The following PTPRJ variants were observed in gnomAD, a reference collection of about 807,000 sequenced individuals.
The protein encoded by PTPRJ is receptor-type tyrosine-protein phosphatase eta.
In PTPRJ, 129 loss-of-function variants were observed where a neutral mutation model predicts 141.3. The ratio of observed to expected loss-of-function variants is 0.91; its 90% CI spans 0.79 to 1.06. PTPRJ has a LOEUF of 1.06. Among genes scored for constraint, PTPRJ ranks in the 50% least tolerant of loss-of-function variants. The pLI is 0.00. For missense variants in PTPRJ, 1,601 were observed against 1,679.7 expected (o/e 0.95, Z 0.82); for synonymous variants, 610 against 640.5 (o/e 0.95, Z 0.72).
At chr11:48,059,538 T>C (rs1302579776) in intron 1 of PTPRJ, among the ~76,000 whole-genome samples, 1 of 152,224 alleles carries the variant, frequency 6.6e-6, no homozygotes, top group African/African-American at 2.4e-5. Context: ...TCTTCAGCAC[T>C]TAAGACAGTG....
At chr11:48,089,230 A>G (rs1384976870) in intron 1 of PTPRJ, among the ~76,000 whole-genome samples, 2 of 152,224 alleles carry the variant, frequency 1.3e-5, no homozygotes, top group Non-Finnish European at 2.9e-5. Flanking sequence ...TGTTACAAAA[A>G]CATTAACCAG....
chr11:48,154,488 T>G (rs367736127), intron 19 of PTPRJ, among the ~76,000 whole-genome samples: 2 of 152,230 alleles, frequency 1.3e-5, no homozygotes, highest in Non-Finnish European at 2.9e-5. Context: ...CATCAAACCA[T>G]TAGATGAAAT....
At position 48,127,773 on chromosome 11, in the gene PTPRJ, C is replaced by A; in HGVS notation, c.1094-7C>A. On this transcript the variant is annotated splice_polypyrimidine_tract_variant and splice_region_variant and intron_variant, in intron 6 of 24. Transcript: ENST00000418331. ...GGTTATTTTGAACTCCTCTTGTGTTCTCACAGATGCTATTCAGGTTTTTGA... is the reference window on the plus strand; with the variant it reads ...GGTTATTTTGAACTCCTCTTGTGTTATCACAGATGCTATTCAGGTTTTTGA... The A allele has an allele frequency of 6.2e-7, 1 of 1,613,296 alleles. No homozygotes were observed. The highest frequency in any genetic ancestry group is 1.7e-4 in the Middle Eastern group (1 of 6,058).
chr11:48,111,332 T>A (rs7113839), intron 2 of PTPRJ, among the ~76,000 whole-genome samples: 127,066 of 140,248 alleles, frequency 0.91, 57,606 homozygotes, highest in East Asian at 0.97. Context: ...TGGTAGTTTT[T>A]TAAAAAATGT....
chr11:48,053,316 TATATATTATATATTA>T (rs1257930456), intron 1 of PTPRJ, among the ~76,000 whole-genome samples: 1 of 91,420 alleles, frequency 1.1e-5, no homozygotes, highest in Non-Finnish European at 2.0e-5. Flanking sequence ...AAATATATAA[TATATATTATATATTA>T]ATATATTATA....
chr11:48,024,253 A>G (rs2134215937), intron 1 of PTPRJ, among the ~76,000 whole-genome samples: 1 of 152,182 alleles, frequency 6.6e-6, no homozygotes, highest in East Asian at 1.9e-4. Context: ...GCTGGAGTGC[A>G]ATGGCGTGAT....
chr11:48,035,041 T>C (rs1046315898), intron 1 of PTPRJ, among the ~76,000 whole-genome samples: 28 of 152,226 alleles, frequency 1.8e-4, no homozygotes, highest in African/African-American at 6.8e-4. Context: ...GGCTTCCGAA[T>C]CCTGCTATTT....
chr11:48,150,235 G>A, intron 18 of PTPRJ, 52 bp downstream of exon 18: 1 of 1,512,472 alleles, frequency 6.6e-7, no homozygotes, highest in Non-Finnish European at 9.2e-7. Context: ...AACCCAAGCT[G>A]GGATCTGAGG....
At chr11:48,071,617 T>TTC (rs1313401518) in intron 1 of PTPRJ, among the ~76,000 whole-genome samples, 2 of 139,878 alleles carry the variant, frequency 1.4e-5, no homozygotes, top group Admixed American at 1.5e-4. Context: ...CTTTTTTTTT[T>TTC]TTTTTTTTTG....
At chr11:48,101,981 A>T (rs1462018594) in intron 1 of PTPRJ, among the ~76,000 whole-genome samples, 1 of 152,188 alleles carries the variant, frequency 6.6e-6, no homozygotes, top group African/African-American at 2.4e-5. Flanking sequence ...CACACCTGAC[A>T]TGGGCCAGAA....
chr11:47,999,118 T>C (rs1180627846), intron 1 of PTPRJ, among the ~76,000 whole-genome samples: 1 of 152,220 alleles, frequency 6.6e-6, no homozygotes, highest in Non-Finnish European at 1.5e-5. Context: ...GAGTGACTGC[T>C]TGGGCCCTGT....
chr11:48,103,662 A>G (rs1270561686), intron 1 of PTPRJ, among the ~76,000 whole-genome samples: 1 of 152,236 alleles, frequency 6.6e-6, no homozygotes, highest in Non-Finnish European at 1.5e-5. Context: ...AGGTGTATAC[A>G]CGGTGTATAC....
chr11:48,087,320 G>A (rs1855742880), intron 1 of PTPRJ, among the ~76,000 whole-genome samples: 1 of 152,218 alleles, frequency 6.6e-6, no homozygotes, highest in Non-Finnish European at 1.5e-5. Flanking sequence ...GCTAAATGAA[G>A]CTAAATAAAC....
At chr11:47,984,427 A>G (rs1437418308) in intron 1 of PTPRJ, among the ~76,000 whole-genome samples, 2 of 152,200 alleles carry the variant, frequency 1.3e-5, no homozygotes, top group Non-Finnish European at 2.9e-5. Context: ...CCCTTCTAAT[A>G]TAATGCCACT....
At chr11:48,130,790 T>G (rs903832556) in intron 8 of PTPRJ, 74 bp downstream of exon 8, 6 of 1,375,578 alleles carry the variant, frequency 4.4e-6, no homozygotes, top group Non-Finnish European at 4.8e-6. Flanking sequence ...AACATAATGT[T>G]TCCAAATATT....
chr11:48,017,303 G>A (rs1253297596), intron 1 of PTPRJ, among the ~76,000 whole-genome samples: 1 of 152,104 alleles, frequency 6.6e-6, no homozygotes, highest in African/African-American at 2.4e-5. Flanking sequence ...TTGGGTGTGG[G>A]TAGGGGTTGG....
rs781782684 is a variant in PTPRJ, at chr11:48,145,126, TA to T, written c.2911+3del. ...CTGTTTCCTTGCCCCAGGATCCAGGTAGGGAGAAGACAACAGTCCTGGCACT... is the reference window on the plus strand; with the variant it reads ...CTGTTTCCTTGCCCCAGGATCCAGGTGGGAGAAGACAACAGTCCTGGCACT... On this transcript the variant is annotated splice_donor_region_variant and intron_variant, in intron 14 of 24. Coordinates refer to ENST00000418331, the MANE Select transcript of PTPRJ (RefSeq NM_002843.4). 10 of 1,613,766 alleles carry T rather than the reference TA, an allele frequency of 6.2e-6. No individual in the cohort carries two copies. Among genetic ancestry groups the T allele is most frequent in the Non-Finnish European group, 8.5e-6 (10 of 1,179,976 alleles).
rs563939144 is a variant in PTPRJ at position 48,102,780 on chromosome 11, G to A, written c.97-7278G>A. 2.1e-3 allele frequency among the ~76,000 whole-genome samples: 326 copies of A among 152,206 alleles called. 2 individuals are homozygous for A. The highest frequency in any genetic ancestry group is 3.9e-3 in the Non-Finnish European group (262 of 68,014). ...AACATCACAGGTCAAGCAATGCATG[G>A]CAGTGGGCTAGATTCAGACAGGGGA... On this transcript the variant is annotated intron_variant, in intron 1 of 24. Coordinates refer to ENST00000418331, the MANE Select transcript of PTPRJ (RefSeq NM_002843.4).
chr11:48,146,015 AT>A (rs1316282120), intron 14 of PTPRJ, among the ~76,000 whole-genome samples: 4 of 151,920 alleles, frequency 2.6e-5, no homozygotes, highest in Non-Finnish European at 5.9e-5. Flanking sequence ...TGCCTGGCTA[AT>A]TTTTTGTAGA....
Sources: allele counts gnomAD v4.1 joint callset (sites outside exome capture counted in the v4.1 genomes callset), GRCh38; gene constraint gnomAD v4.1.1; transcripts MANE v1.5; gene names NCBI Gene and HGNC (gene_info 2026-07-23, HGNC 2026-07-21).